Variants in MCC observed in about 807,000 individuals in gnomAD.
MCC encodes the protein colorectal mutant cancer protein.
Under a neutral mutation model 116.2 loss-of-function variants are expected in MCC, and 90 were observed. The ratio of observed to expected loss-of-function variants is 0.77; its 90% CI spans 0.65 to 0.92. The LOEUF is 0.92. Ranked by LOEUF, MCC falls within the 40% of genes least tolerant of loss-of-function variation. MCC has a pLI of 0.00. For missense variants in MCC, 1,516 were observed against 1,312.2 expected (o/e 1.16, Z -2.40); for synonymous variants, 578 against 510.5 (o/e 1.13, Z -1.78).
intron 3 of MCC, among the ~76,000 whole-genome samples, chr5:113,273,999 T>C (rs1458000528): frequency 3.3e-5 from 5 of 152,192 alleles, no homozygotes; most frequent in Non-Finnish European, 5.9e-5. Flanking sequence ...AAGAGAGGGC[T>C]TCGCCTCTGC....
rs1033709322 is a variant in MCC, at chr5:113,023,773, A to C, written c.*3529T>G. The C allele has an allele frequency of 3.3e-5, 5 of 152,230 alleles. No homozygotes were observed. Among genetic ancestry groups the C allele is most frequent in the Non-Finnish European group, 7.4e-5 (5 of 68,024 alleles). 9.4% of individuals were successfully genotyped at this position (152,230 alleles called of 1,614,324 possible). Reference sequence around the variant, plus strand: ...AGTCATCTTGATATGTTATCACTTTAAAGCTTGATAATCGAAACTCTTGAG... The same window carrying C: ...AGTCATCTTGATATGTTATCACTTTCAAGCTTGATAATCGAAACTCTTGAG... On this transcript the variant is annotated 3_prime_UTR_variant, in exon 19 of 19. Coordinates refer to ENST00000408903, the MANE Select transcript of MCC (RefSeq NM_001085377.2).
intron 16 of MCC, among the ~76,000 whole-genome samples, chr5:113,046,305 G>A (rs1752068321): frequency 6.6e-6 from 1 of 152,002 alleles, no homozygotes; most frequent in African/African-American, 2.4e-5. Context: ...CAGTTCTTGT[G>A]CCGCAGCCTC....
intron 8 of MCC, among the ~76,000 whole-genome samples, chr5:113,099,804 T>C (rs1377544090): frequency 1.3e-5 from 2 of 152,220 alleles, no homozygotes; most frequent in Non-Finnish European, 2.9e-5. Context: ...TAGTCCACCA[T>C]GAAGGGCTGG....
chr5:113,438,305 G>A lies in MCC; in HGVS notation c.170+49940C>T, dbSNP rs555037449. On this transcript the variant is annotated intron_variant, in intron 1 of 18. Transcript: ENST00000408903. The stretch of plus-strand genomic sequence containing the variant: ...TTATCAAGGGTTCCATCTGCCGTAC[G>A]GTGAGTTGTAGGAGCTGAGGCAATT... Among the ~76,000 whole-genome samples, 81 of 152,156 alleles carry A rather than the reference G, an allele frequency of 5.3e-4. 2 individuals are homozygous for A. Among genetic ancestry groups the A allele is most frequent in the African/African-American group, 1.7e-3 (72 of 41,496 alleles).
At chr5:113,078,130 C>T (rs1309455595) in intron 11 of MCC, among the ~76,000 whole-genome samples, 1 of 152,124 alleles carries the variant, frequency 6.6e-6, no homozygotes, top group Non-Finnish European at 1.5e-5. Context: ...CTGAATAGGC[C>T]AATAACAGGT....
At chr5:113,240,916 A>G (rs901471623) in intron 3 of MCC, among the ~76,000 whole-genome samples, 4 of 152,232 alleles carry the variant, frequency 2.6e-5, no homozygotes, top group Non-Finnish European at 5.9e-5. Flanking sequence ...GACTCAGAGC[A>G]TCACGGAGTC....
rs115838775 is a variant in MCC at position 113,182,420 on chromosome 5, C to T, written c.628-30998G>A. The stretch of plus-strand genomic sequence containing the variant: ...ACACATATTGGGTATCTACTATGCA[C>T]CAGGCATTCTGTTAGGTATGGGAGT... On this transcript the variant is annotated intron_variant, in intron 3 of 18. Transcript: ENST00000408903. 4.1e-3 allele frequency among the ~76,000 whole-genome samples: 618 copies of T among 152,230 alleles called. 1 individual carries two copies. The highest frequency in any genetic ancestry group is 6.0e-3 in the Non-Finnish European group (409 of 68,022).
chr5:113,049,013 T>G, intron 16 of MCC, 80 bp downstream of exon 16: 1 of 1,342,142 alleles, frequency 7.5e-7, no homozygotes, highest in African/African-American at 1.4e-5. Context: ...AGCAGGGCGG[T>G]GAGGTGTGGC....
In MCC at chr5:113,063,890, A is replaced by T. The variant is rs1190993141; in HGVS notation, c.2213+94T>A. The T allele has an allele frequency of 2.2e-6, 3 of 1,363,516 alleles. No individual in the cohort carries two copies. In the African/African-American group the frequency reaches 4.4e-5, roughly 20 times the overall value. The allele number at this position is 1,363,516 out of a possible 1,614,324, so 84.5% of individuals were successfully genotyped here. Reference sequence around the variant, plus strand: ...CCATGTCTGCCTTTTCCCAAGCCACACAGTCCCCAAGAGCTGGGTCACTGC... The same window carrying T: ...CCATGTCTGCCTTTTCCCAAGCCACTCAGTCCCCAAGAGCTGGGTCACTGC... On this transcript the variant is annotated intron_variant, in intron 14 of 18. Transcript: ENST00000408903.
chr5:113,183,589 C>T (rs1010517186), intron 3 of MCC, among the ~76,000 whole-genome samples: 1 of 152,108 alleles, frequency 6.6e-6, no homozygotes, highest in Non-Finnish European at 1.5e-5. Flanking sequence ...CATCAAATTA[C>T]AATCCCCCCT....
intron 3 of MCC, among the ~76,000 whole-genome samples, chr5:113,195,279 A>C (rs1762341808): frequency 1.3e-5 from 2 of 152,228 alleles, no homozygotes; most frequent in African/African-American, 4.8e-5. Flanking sequence ...GGCACCCAGC[A>C]TCGGGAATGT....
intron 1 of MCC, among the ~76,000 whole-genome samples, chr5:113,414,729 T>A (rs556897255): frequency 1.1e-4 from 17 of 152,324 alleles, no homozygotes; most frequent in African/African-American, 3.4e-4. Flanking sequence ...AATTTGCCAG[T>A]CTGTGTCTTT....
chr5:113,468,020 C>T (rs367717656), intron 1 of MCC, among the ~76,000 whole-genome samples: 2 of 152,126 alleles, frequency 1.3e-5, no homozygotes, highest in African/African-American at 4.8e-5. Context: ...TGATTTTTTG[C>T]ACATTGATTT....
rs1169705753 is a variant in MCC, at chr5:113,434,694, G to A, written c.171-49482C>T. On this transcript the variant is annotated intron_variant, in intron 1 of 18. Transcript: ENST00000408903. The surrounding 1 kb of genome is among the most constrained non-coding windows in gnomAD (Gnocchi z 4.2). ...AAGGAATTTCTCCAAGAAGTCTGCG[G>A]GGGCCTTCTTGCGGTCGATGATCTT... The A allele has an allele frequency of 8.1e-6, 13 of 1,614,012 alleles. No individual in the cohort carries two copies. The highest frequency in any genetic ancestry group is 1.1e-5 in the Non-Finnish European group (13 of 1,179,910).
At chr5:113,458,665 G>T (rs1401240948) in intron 1 of MCC, among the ~76,000 whole-genome samples, 1 of 152,198 alleles carries the variant, frequency 6.6e-6, no homozygotes, top group African/African-American at 2.4e-5. Flanking sequence ...ATACTGATGT[G>T]TGCTGCTTGT....
intron 1 of MCC, among the ~76,000 whole-genome samples, chr5:113,451,971 T>C (rs1771411405): frequency 6.6e-6 from 1 of 152,224 alleles, no homozygotes; most frequent in Non-Finnish European, 1.5e-5. Context: ...ATGATCAAGA[T>C]GGCTTCACCC....
chr5:113,146,219 G>C (rs1212153912), intron 4 of MCC, among the ~76,000 whole-genome samples: 1 of 8,116 alleles, frequency 1.2e-4, no homozygotes, highest in Non-Finnish European at 3.4e-4. Flanking sequence ...CAGGGGAGGT[G>C]ATTACAACAC....
chr5:113,303,209 T>C (rs1319838445), intron 3 of MCC, among the ~76,000 whole-genome samples: 1 of 152,054 alleles, frequency 6.6e-6, no homozygotes, highest in Non-Finnish European at 1.5e-5. Context: ...CTCCAGAAAA[T>C]GGTGATGATT....
At chr5:113,236,307 T>A (rs756070252) in intron 3 of MCC, among the ~76,000 whole-genome samples, 1 of 152,194 alleles carries the variant, frequency 6.6e-6, no homozygotes, top group Non-Finnish European at 1.5e-5. Flanking sequence ...AGGACACCAA[T>A]AATCTGGAAT....
Sources: gnomAD v4.1 joint callset for allele counts (sites outside exome capture counted in the v4.1 genomes callset) on GRCh38, gnomAD v4.1.1 for gene constraint, Gnocchi (gnomAD v3.1) non-coding constraint, MANE v1.5 for transcripts, NCBI Gene and HGNC (gene_info 2026-07-23, HGNC 2026-07-21) for gene names.